The following PARD3B variants were observed in gnomAD, a reference collection of about 807,000 sequenced individuals.
The protein encoded by PARD3B is partitioning defective 3 homolog B.
In PARD3B, 103 loss-of-function variants were observed where a neutral mutation model predicts 130.2. That is an observed-to-expected ratio of 0.79 (90% confidence interval 0.67 to 0.93). The LOEUF (loss-of-function observed/expected upper bound fraction) is 0.93. PARD3B is among the 40% of genes least tolerant of loss of function. PARD3B has a pLI of 0.00. For synonymous variants in PARD3B, 583 were observed against 553.2 expected, an observed-to-expected ratio of 1.05 and a Z score of -0.76; for missense variants, 1,609 against 1,499.2, an observed-to-expected ratio of 1.07 and a Z score of -1.21.
At chr2:204,793,916 G>A (rs1353450438) in intron 2 of PARD3B, among the ~76,000 whole-genome samples, 2 of 152,298 alleles carry the variant, frequency 1.3e-5, no homozygotes, top group East Asian at 1.9e-4. Flanking sequence ...TAGTCTCATA[G>A]AGAGGCATGT....
rs2053194250 is a variant in PARD3B, at chr2:205,563,063, G to A, written c.3260+9660G>A. Among the ~76,000 whole-genome samples the A allele has an allele frequency of 6.6e-6, 1 of 152,058 alleles. No individual in the cohort carries two copies. The highest frequency in any genetic ancestry group is 1.5e-5 in the Non-Finnish European group (1 of 68,016). On this transcript the variant is annotated intron_variant, in intron 22 of 22. Coordinates refer to ENST00000406610, the MANE Select transcript of PARD3B (RefSeq NM_001302769.2). This position sits in a 1 kb window ranked among gnomAD's most constrained non-coding sequence, Gnocchi z 4.2. The stretch of plus-strand genomic sequence containing the variant: ...ATCACTGAAATACATAACCATCTTG[G>A]ATAAAAAGTTAGTGCCTCACCAAAT...
intron 21 of PARD3B, among the ~76,000 whole-genome samples, chr2:205,526,122 C>T (rs1293614557): frequency 3.3e-5 from 5 of 152,218 alleles, no homozygotes; most frequent in Non-Finnish European, 7.3e-5. Flanking sequence ...AACTGCTTGA[C>T]AACTGGTCAT....
chr2:204,621,745 G>A (rs1460022599), intron 1 of PARD3B, among the ~76,000 whole-genome samples: 2 of 152,144 alleles, frequency 1.3e-5, no homozygotes, highest in East Asian at 1.9e-4. Context: ...TTGAGTCAGG[G>A]AGAAAAGAGA....
At chr2:204,630,924 AT>A (rs1190598133) in intron 1 of PARD3B, among the ~76,000 whole-genome samples, 1 of 151,658 alleles carries the variant, frequency 6.6e-6, no homozygotes, top group Non-Finnish European at 1.5e-5. Context: ...AGATATGTTG[AT>A]TTTTTTGAAG....
intron 1 of PARD3B, among the ~76,000 whole-genome samples, chr2:204,599,654 G>T (rs1306281242): frequency 1.3e-5 from 2 of 151,858 alleles, no homozygotes; most frequent in Non-Finnish European, 2.9e-5. Flanking sequence ...AGACATGGGG[G>T]TGTAATATCT....
rs1276702395 is a variant in PARD3B at position 205,615,725 on chromosome 2, G to A, written c.3530G>A (p.Arg1177Lys). Residue 1177 changes from arginine (R) to lysine (K), a missense_variant, in exon 23 of 23, where the codon AGA (arginine) becomes AAA (lysine). Coordinates refer to ENST00000406610, the MANE Select transcript of PARD3B (RefSeq NM_001302769.2). Reference protein sequence around the residue: ...QRMPAYQETGRPGPRGGSPDQ... With the variant: ...QRMPAYQETGKPGPRGGSPDQ... ...ATGCCAGCCTATCAGGAAACAGGCA[G>A]ACCAGGGCCCCGTGGGGGCAGCCCA... is the stretch of plus-strand genomic sequence containing the variant. 1.9e-6 allele frequency: 3 copies of A among 1,614,076 alleles called. No homozygotes were observed. In the East Asian group the frequency reaches 6.7e-5, roughly 36 times the overall value.
In PARD3B at chr2:204,906,062, T is replaced by G. The variant is rs79797687; in HGVS notation, c.223-59090T>G. ...GCCATTACTTTATTTTGGGCTAGAGTAATTTTTGCTAAATAATGGCTTATT... is the reference window on the plus strand; with the variant it reads ...GCCATTACTTTATTTTGGGCTAGAGGAATTTTTGCTAAATAATGGCTTATT... On this transcript the variant is annotated intron_variant, in intron 2 of 22. Coordinates refer to ENST00000406610, the MANE Select transcript of PARD3B (RefSeq NM_001302769.2). This position sits in a 1 kb window ranked among gnomAD's most constrained non-coding sequence, Gnocchi z 4.3. Among the ~76,000 whole-genome samples the G allele has an allele frequency of 6.8e-4, 104 of 152,182 alleles. 1 individual carries two copies. In the East Asian group the frequency reaches 0.019, roughly 28 times the overall value.
At chr2:204,945,343 T>C (rs1689231127) in intron 2 of PARD3B, among the ~76,000 whole-genome samples, 1 of 152,212 alleles carries the variant, frequency 6.6e-6, no homozygotes, top group Non-Finnish European at 1.5e-5. Context: ...ATATAGAAAC[T>C]GCATACTTGT....
At chr2:204,638,552 T>C (rs1393675381) in intron 1 of PARD3B, among the ~76,000 whole-genome samples, 1 of 152,194 alleles carries the variant, frequency 6.6e-6, no homozygotes, top group Non-Finnish European at 1.5e-5. Flanking sequence ...CGGAATGGTA[T>C]TGCTTTCAGT....
At position 205,265,433 on chromosome 2, in the gene PARD3B, G is replaced by C. The variant is rs574375177; in HGVS notation, c.2185+19611G>C. 6.6e-6 allele frequency among the ~76,000 whole-genome samples: 1 copy of C among 151,924 alleles called. No individual in the cohort carries two copies. The highest frequency in any genetic ancestry group is 1.5e-5 in the Non-Finnish European group (1 of 67,918). On this transcript the variant is annotated intron_variant, in intron 16 of 22. Transcript: ENST00000406610. The surrounding 1 kb of genome is among the most constrained non-coding windows in gnomAD (Gnocchi z 4.3). The stretch of plus-strand genomic sequence containing the variant: ...TTCTTTTTCTTCCTTGGGTTTTGAT[G>C]TGCTGATGTAATTTGGACATTGCTT...
At chr2:205,334,866 T>G (rs1559673968) in intron 18 of PARD3B, among the ~76,000 whole-genome samples, 1 of 152,220 alleles carries the variant, frequency 6.6e-6, no homozygotes, top group Non-Finnish European at 1.5e-5. Context: ...AAGTAATTCT[T>G]TCCTCATGTG....
At chr2:205,500,188 C>A (rs186735040) in intron 21 of PARD3B, among the ~76,000 whole-genome samples, 157 bp downstream of exon 21, 100 of 152,246 alleles carry the variant, frequency 6.6e-4, no homozygotes, top group African/African-American at 2.4e-3. Flanking sequence ...GCATATTCTC[C>A]CACAGAAGCT....
Position 205,300,428 on chromosome 2 carries a change from C to T in PARD3B, c.2186-102C>T. On this transcript the variant is annotated intron_variant, in intron 16 of 22. Coordinates refer to ENST00000406610, the MANE Select transcript of PARD3B (RefSeq NM_001302769.2). The surrounding 1 kb of genome is among the most constrained non-coding windows in gnomAD (Gnocchi z 4.1). Reference sequence around the variant, plus strand: ...AACCCCAACTCCCACCCACTTAACACCCCTTTTTTGGGATGTCCAGACAGA... The same window carrying T: ...AACCCCAACTCCCACCCACTTAACATCCCTTTTTTGGGATGTCCAGACAGA... The T allele has an allele frequency of 9.0e-7, 1 of 1,106,582 alleles. No individual in the cohort carries two copies. The highest frequency in any genetic ancestry group is 1.4e-5 in the South Asian group (1 of 71,056). 68.5% of individuals were successfully genotyped at this position (1,106,582 alleles called of 1,614,324 possible).
rs1181779880 is a variant in PARD3B at position 205,301,627 on chromosome 2, G to A, written c.2556G>A (p.Lys852=). ...AGGAAAAGGGCAAATTGAAAGTCAA[G>A]GAGAAAAAGCGCAAAGAGGAGAATG... is the stretch of plus-strand genomic sequence containing the variant. ...KKKEKGKLKV[K]EKKRKEENED... is the part of the protein sequence containing the mutation. The change falls in exon 18 of 23, where the codon AAG becomes AAA. Residue 852 remains lysine (K), a synonymous_variant. Transcript: ENST00000406610. This position sits in a 1 kb window ranked among gnomAD's most constrained non-coding sequence, Gnocchi z 5.2. 1 of 1,613,462 alleles carries A rather than the reference G, an allele frequency of 6.2e-7. No homozygotes were observed. Among genetic ancestry groups the A allele is most frequent in the South Asian group, 1.1e-5 (1 of 91,066 alleles).
rs1315520718 is a variant in PARD3B at position 205,530,841 on chromosome 2, A to G, written c.3181-22483A>G. Among the ~76,000 whole-genome samples, 1 of 152,226 alleles carries G rather than the reference A, an allele frequency of 6.6e-6. No individual in the cohort carries two copies. Among genetic ancestry groups the G allele is most frequent in the East Asian group, 1.9e-4 (1 of 5,200 alleles). On this transcript the variant is annotated intron_variant, in intron 21 of 22. Coordinates refer to ENST00000406610, the MANE Select transcript of PARD3B (RefSeq NM_001302769.2). The surrounding 1 kb of genome is among the most constrained non-coding windows in gnomAD (Gnocchi z 4.7). ...TGGGGAAGAAAGAAACGATGACTCT[A>G]GAGGCATGACCCACCTGGATAAGAA...
At chr2:205,570,462 T>C (rs891906151) in intron 22 of PARD3B, among the ~76,000 whole-genome samples, 5 of 152,242 alleles carry the variant, frequency 3.3e-5, no homozygotes, top group African/African-American at 1.2e-4. Flanking sequence ...CAGTAGTTTA[T>C]TGTGTGAAGG....
At chr2:205,391,115 A>G (rs918930551) in intron 18 of PARD3B, among the ~76,000 whole-genome samples, 8 of 152,362 alleles carry the variant, frequency 5.3e-5, no homozygotes, top group Admixed American at 2.0e-4. Context: ...GGGCAAGTCA[A>G]ACGGGCAACC....
At chr2:204,834,699 A>G (rs1344646749) in intron 2 of PARD3B, among the ~76,000 whole-genome samples, 1 of 152,206 alleles carries the variant, frequency 6.6e-6, no homozygotes, top group African/African-American at 2.4e-5. Context: ...AGCTGGCAAA[A>G]GGAAAATAGG....
In PARD3B at chr2:204,907,019, C is replaced by A. The variant is rs1008007289; in HGVS notation, c.223-58133C>A. On this transcript the variant is annotated intron_variant, in intron 2 of 22. Coordinates refer to ENST00000406610, the MANE Select transcript of PARD3B (RefSeq NM_001302769.2). This position sits in a 1 kb window ranked among gnomAD's most constrained non-coding sequence, Gnocchi z 5.7. ...CTTTTCAGACTGAGTCTTGCTCTGT[C>A]GCCCAGGCTGGAGTTCAGTGGCACG... Among the ~76,000 whole-genome samples, 2 of 151,776 alleles carry A rather than the reference C, an allele frequency of 1.3e-5. No homozygotes were observed. The highest frequency in any genetic ancestry group is 4.8e-5 in the African/African-American group (2 of 41,270).
Sources: allele counts gnomAD v4.1 joint callset (sites outside exome capture counted in the v4.1 genomes callset), GRCh38; gene constraint gnomAD v4.1.1; non-coding constraint Gnocchi (gnomAD v3.1); transcripts MANE v1.5; gene names NCBI Gene and HGNC (gene_info 2026-07-23, HGNC 2026-07-21).